The following FER variants were observed in gnomAD, a reference collection of about 807,000 sequenced individuals.
FER encodes tyrosine-protein kinase Fer.
A neutral mutation model predicts 111.0 loss-of-function variants in FER; 63 were observed. The observed-to-expected ratio is 0.57, with a 90% CI of 0.46 to 0.70. The LOEUF is 0.70. FER is among the 30% of genes least tolerant of loss of function. FER has a pLI of 0.00. For missense variants in FER, 914 were observed against 954.0 expected (o/e 0.96, Z 0.55); for synonymous variants, 327 against 313.9 (o/e 1.04, Z -0.44).
At chr5:109,056,030 G>A (rs1443897248) in intron 16 of FER, among the ~76,000 whole-genome samples, 8 of 152,150 alleles carry the variant, frequency 5.3e-5, no homozygotes, top group Admixed American at 6.5e-5. Flanking sequence ...CTGTGAGATA[G>A]CACCTTACTC....
At chr5:108,970,863 G>T (rs996527591) in intron 13 of FER, among the ~76,000 whole-genome samples, 1 of 152,052 alleles carries the variant, frequency 6.6e-6, no homozygotes, top group East Asian at 1.9e-4. Context: ...AAAAGTTTAG[G>T]TTAAAATCAG....
rs766557178 is a variant in FER, at chr5:108,855,594, G to GGA, written c.482-12173_482-12172insGA. On this transcript the variant is annotated intron_variant, in intron 5 of 19. Transcript: ENST00000281092. ...CAAGATCGCGCCACTGCACTCCAGC[G>GGA]AAAAAAAAAAAAAAAAGAATACAAA... Among the ~76,000 whole-genome samples, 787 of 103,008 alleles carry GGA rather than the reference G, an allele frequency of 7.6e-3. 12 individuals are homozygous for GGA. The highest frequency in any genetic ancestry group is 0.024 in the African/African-American group (714 of 30,118). The allele number at this position is 103,008 out of a possible 152,430, so 67.6% of individuals were successfully genotyped here.
At chr5:108,993,640 C>T (rs149520245) in intron 13 of FER, among the ~76,000 whole-genome samples, 61 of 111,184 alleles carry the variant, frequency 5.5e-4, no homozygotes, top group African/African-American at 1.9e-3. Context: ...AGGGTGAGGG[C>T]GAGGGCGAGG....
chr5:109,073,095 T>C (rs1775951729), intron 16 of FER, among the ~76,000 whole-genome samples: 1 of 152,112 alleles, frequency 6.6e-6, no homozygotes. Flanking sequence ...GAAATCTTAT[T>C]CCCAAATAAT....
intron 1 of FER, among the ~76,000 whole-genome samples, chr5:108,756,768 C>T (rs1206222346): frequency 1.3e-5 from 2 of 152,110 alleles, no homozygotes; most frequent in African/African-American, 4.8e-5. Context: ...CAATTTCTTT[C>T]TCCTACACAC....
chr5:108,853,358 C>T (rs569595600), intron 5 of FER, among the ~76,000 whole-genome samples: 148 of 152,158 alleles, frequency 9.7e-4, no homozygotes, highest in African/African-American at 3.4e-3. Context: ...CTCCTTGAGG[C>T]TTACATTTTA....
At chr5:108,940,452 G>C (rs1243211996) in intron 10 of FER, among the ~76,000 whole-genome samples, 1 of 152,034 alleles carries the variant, frequency 6.6e-6, no homozygotes, top group Non-Finnish European at 1.5e-5. Flanking sequence ...CTACAAAATA[G>C]TAGTTTTTAG....
intron 13 of FER, among the ~76,000 whole-genome samples, chr5:108,984,132 C>A (rs935277246): frequency 1.4e-4 from 21 of 151,988 alleles, no homozygotes; most frequent in African/African-American, 5.1e-4. Flanking sequence ...TCTGTCCTTT[C>A]CTTTGCTTGT....
chr5:108,978,939 G>A (rs1353430067), intron 13 of FER, among the ~76,000 whole-genome samples: 1 of 152,126 alleles, frequency 6.6e-6, no homozygotes, highest in Non-Finnish European at 1.5e-5. Context: ...TACAAACTTG[G>A]AAGTGTTATG....
intron 16 of FER, among the ~76,000 whole-genome samples, chr5:109,069,548 G>A (rs1312343611): frequency 6.6e-6 from 1 of 152,226 alleles, no homozygotes; most frequent in South Asian, 2.1e-4. Flanking sequence ...TCTACCCCCT[G>A]AGTATATTGA....
chr5:108,777,393 A>G (rs1438452331), intron 2 of FER, among the ~76,000 whole-genome samples: 2 of 152,206 alleles, frequency 1.3e-5, no homozygotes, highest in African/African-American at 2.4e-5. Context: ...CCAGAGTGGT[A>G]TATTTGTTTA....
At chr5:108,787,261 T>G (rs2081126) in intron 2 of FER, among the ~76,000 whole-genome samples, 19 of 152,012 alleles carry the variant, frequency 1.2e-4, no homozygotes, top group Non-Finnish European at 2.8e-4. Context: ...GTGGTGCTGA[T>G]ATGCCAGCCC....
intron 17 of FER, among the ~76,000 whole-genome samples, chr5:109,178,380 C>G (rs1156628373): frequency 6.6e-6 from 1 of 152,140 alleles, no homozygotes; most frequent in Non-Finnish European, 1.5e-5. Context: ...TTTCAGAGGA[C>G]AAATCTCTAA....
chr5:108,928,457 T>A lies in FER; in HGVS notation c.1237-17673T>A, dbSNP rs183240697. 4.6e-3 allele frequency among the ~76,000 whole-genome samples: 703 copies of A among 152,284 alleles called. 2 individuals are homozygous for A. The highest frequency in any genetic ancestry group is 0.016 in the African/African-American group (670 of 41,556). On this transcript the variant is annotated intron_variant, in intron 10 of 19. Transcript: ENST00000281092. The stretch of plus-strand genomic sequence containing the variant: ...TATTTATGAAAATAAATTCGTGAGT[T>A]CTTGAAATGTATTATAGGGCTCAAC...
In FER at chr5:109,057,789, T is replaced by C. The variant is rs148655870; in HGVS notation, c.1924+10591T>C. ...CCTAGATGGCTTTTCTGGTGAATTA[T>C]ACCAAACTTTTAAGAAGAAAATGTT... is the stretch of plus-strand genomic sequence containing the variant. On this transcript the variant is annotated intron_variant, in intron 16 of 19. Transcript: ENST00000281092. 2.0e-3 allele frequency among the ~76,000 whole-genome samples: 309 copies of C among 152,340 alleles called. 1 individual carries two copies. Among genetic ancestry groups the C allele is most frequent in the African/African-American group, 7.1e-3 (294 of 41,572 alleles).
rs748454439 is a variant in FER, at chr5:108,764,728, T to C, written c.-205-3365T>C. Among the ~76,000 whole-genome samples the C allele has an allele frequency of 4.5e-4, 68 of 152,304 alleles. 1 individual carries two copies. The highest frequency in any genetic ancestry group is 3.4e-3 in the Middle Eastern group (1 of 294). ...ACATAATTTTAAATGGTTGTAAAAT[T>C]ATACTTAAATTCTTTGTTTAAAATA... On this transcript the variant is annotated intron_variant, in intron 1 of 19. Coordinates refer to ENST00000281092, the MANE Select transcript of FER (RefSeq NM_005246.4).
At chr5:108,923,560 A>G (rs1286651738) in intron 10 of FER, among the ~76,000 whole-genome samples, 2 of 152,134 alleles carry the variant, frequency 1.3e-5, no homozygotes, top group African/African-American at 4.8e-5. Context: ...GATACCTGGC[A>G]TCTAGTAGTT....
intron 2 of FER, among the ~76,000 whole-genome samples, chr5:108,775,129 C>A (rs531753085): frequency 6.6e-6 from 1 of 152,280 alleles, no homozygotes; most frequent in East Asian, 1.9e-4. Flanking sequence ...GTTTTCTCAG[C>A]ACCATTTATT....
At chr5:109,183,001 C>CCAGTCTCTGAA (rs1290133738) in intron 18 of FER, among the ~76,000 whole-genome samples, 4 of 152,218 alleles carry the variant, frequency 2.6e-5, no homozygotes, top group Admixed American at 2.0e-4. Context: ...GCCATTGCGC[C>CCAGTCTCTGAA]CAGTCTCTGA....
Sources: gnomAD v4.1 joint callset for allele counts (sites outside exome capture counted in the v4.1 genomes callset) on GRCh38, gnomAD v4.1.1 for gene constraint, MANE v1.5 for transcripts, NCBI Gene and HGNC (gene_info 2026-07-23, HGNC 2026-07-21) for gene names.